RALGAPA2: variants seen among roughly 807,000 people sequenced by gnomAD.
RALGAPA2 encodes Ral GTPase activating protein catalytic subunit alpha 2.
Under a neutral mutation model 230.4 loss-of-function variants are expected in RALGAPA2, and 139 were observed. That is an observed-to-expected ratio of 0.60 (90% confidence interval 0.53 to 0.69). The LOEUF (loss-of-function observed/expected upper bound fraction) is 0.69. Among genes scored for constraint, RALGAPA2 ranks in the 30% least tolerant of loss-of-function variants. The pLI is 0.00. For missense variants in RALGAPA2, 2,163 were observed against 2,276.0 expected, an observed-to-expected ratio of 0.95 and a Z score of 1.01; for synonymous variants, 847 against 837.8, an observed-to-expected ratio of 1.01 and a Z score of -0.19.
intron 20 of RALGAPA2, among the ~76,000 whole-genome samples, chr20:20,574,822 A>C (rs907163583): frequency 2.0e-5 from 3 of 152,052 alleles, no homozygotes; most frequent in Non-Finnish European, 4.4e-5. Context: ...TCAGTTTTTA[A>C]ATTCTGGATT....
At chr20:20,434,222 C>T (rs943044339) in intron 37 of RALGAPA2, among the ~76,000 whole-genome samples, 2 of 152,122 alleles carry the variant, frequency 1.3e-5, no homozygotes, top group African/African-American at 4.8e-5. Flanking sequence ...ACAAAAGTTG[C>T]TCATAGCCAC....
At chr20:20,709,250 C>T (rs754831469) in intron 1 of RALGAPA2, among the ~76,000 whole-genome samples, 1 of 151,870 alleles carries the variant, frequency 6.6e-6, no homozygotes, top group East Asian at 1.9e-4. Context: ...GCCCAGGAGG[C>T]GGAGGTTGCA....
chr20:20,459,132 T>C lies in RALGAPA2; in HGVS notation c.5495+13697A>G, dbSNP rs186519712. Among the ~76,000 whole-genome samples, 591 of 152,052 alleles carry C rather than the reference T, an allele frequency of 3.9e-3. 4 individuals are homozygous for C. The highest frequency in any genetic ancestry group is 0.014 in the African/African-American group (564 of 41,502). On this transcript the variant is annotated intron_variant, in intron 37 of 39. Coordinates refer to ENST00000202677, the MANE Select transcript of RALGAPA2 (RefSeq NM_020343.4). ...AATACACTGAGCTTAGATGGACCCC[T>C]TGGAATCACTGAATCACAGAACTAT...
intron 20 of RALGAPA2, among the ~76,000 whole-genome samples, chr20:20,574,911 T>C (rs2064771408): frequency 6.6e-6 from 1 of 152,234 alleles, no homozygotes; most frequent in African/African-American, 2.4e-5. Flanking sequence ...CCATGTGTTC[T>C]ATCCCTCTTC....
At chr20:20,708,719 T>C (rs1032127405) in intron 1 of RALGAPA2, among the ~76,000 whole-genome samples, 2 of 152,214 alleles carry the variant, frequency 1.3e-5, no homozygotes, top group Non-Finnish European at 2.9e-5. Flanking sequence ...TATGACATTC[T>C]TAATTATCTC....
chr20:20,688,072 G>A (rs527872031), intron 1 of RALGAPA2, among the ~76,000 whole-genome samples: 30 of 152,310 alleles, frequency 2.0e-4, no homozygotes, highest in Non-Finnish European at 3.2e-4. Context: ...AGATTCAGCA[G>A]GCAATCAGAT....
chr20:20,396,848 T>C, intron 38 of RALGAPA2, 114 bp from the exon 39 acceptor site: 1 of 869,702 alleles, frequency 1.1e-6, no homozygotes, highest in Non-Finnish European at 1.8e-6. Flanking sequence ...CCCAAGCATT[T>C]CTGCAGCCTT....
At chr20:20,529,533 A>G (rs1232981298) in intron 27 of RALGAPA2, among the ~76,000 whole-genome samples, 1 of 152,206 alleles carries the variant, frequency 6.6e-6, no homozygotes, top group Non-Finnish European at 1.5e-5. Context: ...TAAGCACCAC[A>G]TATACAACAC....
chr20:20,615,846 T>A (rs989652926), intron 13 of RALGAPA2, among the ~76,000 whole-genome samples, 197 bp downstream of exon 13: 7 of 152,206 alleles, frequency 4.6e-5, no homozygotes, highest in Admixed American at 1.3e-4. Flanking sequence ...GAACATTTTT[T>A]AAAAATATAA....
rs374397687 is a variant in RALGAPA2 at position 20,396,725 on chromosome 20, G to A, written c.*5C>T. On this transcript the variant is annotated 3_prime_UTR_variant, in exon 39 of 40. Transcript: ENST00000202677. ...TCAAATATTGAAATGAGACCTTTACGTGTTTTAATCTGAAGGGAAAGAACA... is the reference window on the plus strand; with the variant it reads ...TCAAATATTGAAATGAGACCTTTACATGTTTTAATCTGAAGGGAAAGAACA... The A allele has an allele frequency of 2.5e-6, 4 of 1,609,404 alleles. No individual in the cohort carries two copies. Among genetic ancestry groups the A allele is most frequent in the Non-Finnish European group, 3.4e-6 (4 of 1,176,100 alleles).
At chr20:20,463,431 A>C (rs374081525) in intron 37 of RALGAPA2, among the ~76,000 whole-genome samples, 1 of 152,226 alleles carries the variant, frequency 6.6e-6, no homozygotes, top group South Asian at 2.1e-4. Flanking sequence ...TCTGAAAACA[A>C]AGGAGCCGTG....
Position 20,639,910 on chromosome 20 carries a change from C to G in RALGAPA2, c.551-10G>C, listed in dbSNP as rs1318963246. Reference sequence around the variant, plus strand: ...TCTGGATATATCTTTACTGAAAGGACAGAAAATGATGACAGCTCATTCACC... The same window carrying G: ...TCTGGATATATCTTTACTGAAAGGAGAGAAAATGATGACAGCTCATTCACC... On this transcript the variant is annotated splice_polypyrimidine_tract_variant and intron_variant, in intron 6 of 39. Transcript: ENST00000202677. The G allele has an allele frequency of 6.3e-6, 10 of 1,575,390 alleles. No individual in the cohort carries two copies. Among genetic ancestry groups the G allele is most frequent in the Non-Finnish European group, 7.9e-6 (9 of 1,146,336 alleles).
At chr20:20,613,658 T>C (rs571491241) in intron 13 of RALGAPA2, among the ~76,000 whole-genome samples, 7 of 152,272 alleles carry the variant, frequency 4.6e-5, no homozygotes, top group African/African-American at 9.6e-5. Context: ...CTCCACCACA[T>C]TGGCCATCAT....
At chr20:20,672,233 T>A (rs2068160382) in intron 3 of RALGAPA2, among the ~76,000 whole-genome samples, 1 of 152,088 alleles carries the variant, frequency 6.6e-6, no homozygotes, top group Non-Finnish European at 1.5e-5. Context: ...GAAACCAGGA[T>A]TAACAAATGT....
At chr20:20,599,988 TA>T (rs574515647) in intron 16 of RALGAPA2, among the ~76,000 whole-genome samples, 77 of 140,240 alleles carry the variant, frequency 5.5e-4, no homozygotes, top group Admixed American at 2.1e-3. Flanking sequence ...AAATAAAAAA[TA>T]AAAAAAAAAT....
In RALGAPA2 at chr20:20,515,149, T is replaced by G. The variant is rs372419467; in HGVS notation, c.4085-1865A>C. On this transcript the variant is annotated intron_variant, in intron 31 of 39. Coordinates refer to ENST00000202677, the MANE Select transcript of RALGAPA2 (RefSeq NM_020343.4). ...ATTGCCTGAGGCAATAGAGAGCTTC[T>G]GCTGGTAAACAAGGATCAAGTATAT... Among the ~76,000 whole-genome samples, 5 of 152,354 alleles carry G rather than the reference T, an allele frequency of 3.3e-5. No homozygotes were observed. In the East Asian group the frequency reaches 9.6e-4, roughly 29 times the overall value.
intron 18 of RALGAPA2, among the ~76,000 whole-genome samples, chr20:20,588,005 A>T (rs1443816987): frequency 6.7e-6 from 1 of 148,732 alleles, no homozygotes; most frequent in Non-Finnish European, 1.5e-5. Context: ...AATGAAGATG[A>T]ATGGGAGCTC....
intron 23 of RALGAPA2, among the ~76,000 whole-genome samples, chr20:20,550,452 G>A (rs926713609): frequency 1.8e-4 from 27 of 152,212 alleles, no homozygotes; most frequent in African/African-American, 6.3e-4. Context: ...AGAATGCAAT[G>A]TCAGGGTGGT....
intron 19 of RALGAPA2, among the ~76,000 whole-genome samples, chr20:20,584,416 G>T (rs2065073146): frequency 6.6e-6 from 1 of 152,144 alleles, no homozygotes; most frequent in African/African-American, 2.4e-5. Context: ...TCAAGGTACG[G>T]GTGAGTAGAA....
Sources: gnomAD v4.1 joint callset for allele counts (sites outside exome capture counted in the v4.1 genomes callset) on GRCh38, gnomAD v4.1.1 for gene constraint, MANE v1.5 for transcripts, NCBI Gene and HGNC (gene_info 2026-07-23, HGNC 2026-07-21) for gene names.